ASAP1: variants seen among roughly 807,000 people sequenced by gnomAD.
ASAP1 encodes the protein ArfGAP with SH3 domain, ankyrin repeat and PH domain 1, also known as arf-GAP with SH3 domain, ANK repeat and PH domain-containing protein 1.
A neutral mutation model predicts 145.2 loss-of-function variants in ASAP1; 43 were observed. That is an observed-to-expected ratio of 0.30 (90% CI 0.23 to 0.38). The LOEUF (loss-of-function observed/expected upper bound fraction) is 0.38. Among genes scored for constraint, ASAP1 ranks in the 10% least tolerant of loss-of-function variants. ASAP1 has a pLI of 1.00. For synonymous variants in ASAP1, 546 were observed against 515.5 expected, an observed-to-expected ratio of 1.06 and a Z score of -0.80; for missense variants, 1,018 against 1,355.3, an observed-to-expected ratio of 0.75 and a Z score of 3.91.
At chr8:130,281,728 T>A (rs1821258627) in intron 3 of ASAP1, among the ~76,000 whole-genome samples, 1 of 152,212 alleles carries the variant, frequency 6.6e-6, no homozygotes, top group East Asian at 1.9e-4. Context: ...AAACTCTGCA[T>A]CTTATATTAC....
chr8:130,306,344 CA>C (rs1822990820), intron 3 of ASAP1, among the ~76,000 whole-genome samples: 1 of 152,228 alleles, frequency 6.6e-6, no homozygotes, highest in South Asian at 2.1e-4. Flanking sequence ...TGTAAATGCA[CA>C]TAAGTGACTT....
intron 3 of ASAP1, among the ~76,000 whole-genome samples, chr8:130,334,112 G>C (rs944783503): frequency 3.9e-5 from 6 of 152,124 alleles, no homozygotes; most frequent in African/African-American, 9.7e-5. Context: ...AATGCAAGAG[G>C]CTTCCAGTTT....
intron 1 of ASAP1, among the ~76,000 whole-genome samples, chr8:130,424,445 C>T (rs1018515374): frequency 6.6e-6 from 1 of 152,230 alleles, no homozygotes; most frequent in Non-Finnish European, 1.5e-5. Flanking sequence ...CTGATTCAAA[C>T]AGTAACAGCT....
At chr8:130,288,341 A>G (rs1311652962) in intron 3 of ASAP1, among the ~76,000 whole-genome samples, 9 of 151,988 alleles carry the variant, frequency 5.9e-5, no homozygotes, top group African/African-American at 2.2e-4. Context: ...TTCTTTTACA[A>G]GAGCTGATAT....
chr8:130,117,076 G>A (rs970722436), intron 20 of ASAP1, 81 bp from the exon 21 acceptor site: 29 of 903,890 alleles, frequency 3.2e-5, no homozygotes, highest in Non-Finnish European at 4.5e-5. Context: ...TTTTTGTGCT[G>A]ACAACTGAGT....
chr8:130,283,578 T>A (rs1398946066), intron 3 of ASAP1, among the ~76,000 whole-genome samples: 3 of 51,434 alleles, frequency 5.8e-5, no homozygotes, highest in African/African-American at 2.0e-4. Flanking sequence ...CAAGACTCCA[T>A]CACAGAAAGA....
chr8:130,394,827 A>AAAAC (rs1368114750), intron 2 of ASAP1, among the ~76,000 whole-genome samples: 1 of 152,180 alleles, frequency 6.6e-6, no homozygotes, highest in Non-Finnish European at 1.5e-5. Context: ...ACTCTGTCTC[A>AAAAC]AAACAAACAA....
chr8:130,174,264 G>A (rs1813798122), intron 9 of ASAP1, among the ~76,000 whole-genome samples: 1 of 152,142 alleles, frequency 6.6e-6, no homozygotes, highest in African/African-American at 2.4e-5. Context: ...AGCATCAGAT[G>A]AGCTACTACA....
intron 24 of ASAP1, among the ~76,000 whole-genome samples, chr8:130,097,619 A>T (rs1407773613): frequency 6.6e-6 from 1 of 152,236 alleles, no homozygotes; most frequent in Non-Finnish European, 1.5e-5. Flanking sequence ...GCCAGGGCTC[A>T]GGAAGTGCAC....
intron 27 of ASAP1, among the ~76,000 whole-genome samples, chr8:130,073,626 C>T (rs117318988): frequency 0.012 from 1,760 of 152,246 alleles, 13 homozygotes; most frequent in Non-Finnish European, 0.019. Context: ...AAGTACATAG[C>T]GTTCCAGGCA....
intron 2 of ASAP1, among the ~76,000 whole-genome samples, chr8:130,379,511 G>T (rs1827666915): frequency 6.6e-6 from 1 of 151,780 alleles, no homozygotes; most frequent in South Asian, 2.1e-4. Context: ...TCTGAAGTGG[G>T]AGCTGTTCTA....
At chr8:130,070,105 C>G (rs530221406) in intron 27 of ASAP1, among the ~76,000 whole-genome samples, 1 of 152,052 alleles carries the variant, frequency 6.6e-6, no homozygotes, top group Admixed American at 6.5e-5. Context: ...GGCGCAATCT[C>G]GGCTCACTGC....
chr8:130,064,320 G>GA (rs2097425567), intron 27 of ASAP1, among the ~76,000 whole-genome samples: 1 of 152,072 alleles, frequency 6.6e-6, no homozygotes, highest in African/African-American at 2.4e-5. Context: ...GAAGGGGGAA[G>GA]AAACAGTATT....
At chr8:130,250,299 C>T (rs755175366) in intron 3 of ASAP1, among the ~76,000 whole-genome samples, 4 of 152,120 alleles carry the variant, frequency 2.6e-5, no homozygotes, top group Admixed American at 6.5e-5. Flanking sequence ...AAGTAGGGAT[C>T]CAGGGCCAAA....
intron 7 of ASAP1, among the ~76,000 whole-genome samples, chr8:130,185,761 G>GA (rs1022859969): frequency 6.2e-4 from 86 of 138,140 alleles, no homozygotes; most frequent in Middle Eastern, 3.8e-3. Context: ...AAAAGAAAAA[G>GA]AAAAAAAAAG....
intron 2 of ASAP1, among the ~76,000 whole-genome samples, chr8:130,396,934 C>A (rs1828556443): frequency 6.6e-6 from 1 of 152,184 alleles, no homozygotes; most frequent in African/African-American, 2.4e-5. Flanking sequence ...ATAAGGCCAA[C>A]TGATTTCTAC....
intron 1 of ASAP1, among the ~76,000 whole-genome samples, chr8:130,437,664 C>T (rs190113710): frequency 6.6e-6 from 1 of 151,888 alleles, no homozygotes; most frequent in African/African-American, 2.4e-5. Flanking sequence ...ACACACAGGA[C>T]AAGTTTTTAC....
At chr8:130,055,856 G>C (rs781056054) in intron 29 of ASAP1, among the ~76,000 whole-genome samples, 2 of 152,224 alleles carry the variant, frequency 1.3e-5, no homozygotes, top group Non-Finnish European at 2.9e-5. Context: ...CTCTCCTGAA[G>C]GCTTGCCCAC....
At chr8:130,273,949 G>T (rs1035660469) in intron 3 of ASAP1, among the ~76,000 whole-genome samples, 1 of 152,182 alleles carries the variant, frequency 6.6e-6, no homozygotes, top group Non-Finnish European at 1.5e-5. Flanking sequence ...TAGGATGAAG[G>T]GGGGCGGAGG....
Sources: allele counts gnomAD v4.1 joint callset (sites outside exome capture counted in the v4.1 genomes callset), GRCh38; gene constraint gnomAD v4.1.1; transcripts MANE v1.5; gene names NCBI Gene and HGNC (gene_info 2026-07-23, HGNC 2026-07-21).